ATRNL1: variants seen among roughly 807,000 people sequenced by gnomAD.
ATRNL1 encodes the protein attractin like 1, also known as attractin-like protein 1.
ATRNL1 carries 95 observed loss-of-function variants against 182.7 expected under a neutral mutation model. That is an observed-to-expected ratio of 0.52 (90% confidence interval 0.44 to 0.62). The LOEUF (loss-of-function observed/expected upper bound fraction) is 0.62. ATRNL1 is among the 20% of genes least tolerant of loss of function. The pLI is 0.00. For synonymous variants in ATRNL1, 576 were observed against 568.3 expected, an observed-to-expected ratio of 1.01 and a Z score of -0.19; for missense variants, 1,471 against 1,679.5, an observed-to-expected ratio of 0.88 and a Z score of 2.17.
intron 28 of ATRNL1, among the ~76,000 whole-genome samples, chr10:115,856,897 T>G (rs1394296747): frequency 6.6e-6 from 1 of 152,062 alleles, no homozygotes; most frequent in Non-Finnish European, 1.5e-5. Context: ...CTGTGAGGTA[T>G]ATGCAGTTGA....
At chr10:115,416,784 A>T (rs1484355296) in intron 20 of ATRNL1, among the ~76,000 whole-genome samples, 1 of 152,250 alleles carries the variant, frequency 6.6e-6, no homozygotes, top group African/African-American at 2.4e-5. Context: ...ATTTGAATAA[A>T]CCAAATATTG....
chr10:115,615,191 A>G (rs1480819454), intron 26 of ATRNL1, among the ~76,000 whole-genome samples: 1 of 152,020 alleles, frequency 6.6e-6, no homozygotes, highest in Non-Finnish European at 1.5e-5. Flanking sequence ...GGTATCTGCT[A>G]TACCAATATT....
intron 15 of ATRNL1, among the ~76,000 whole-genome samples, chr10:115,293,271 C>T (rs1374021254): frequency 6.6e-6 from 1 of 151,974 alleles, no homozygotes; most frequent in Non-Finnish European, 1.5e-5. Context: ...TTCTCTTAGG[C>T]AGCATATTGT....
intron 27 of ATRNL1, among the ~76,000 whole-genome samples, chr10:115,752,413 A>G (rs2907524): frequency 0.95 from 144,431 of 152,068 alleles, 69,017 homozygotes; most frequent in Non-Finnish European, 1. Context: ...TGTTATAGGC[A>G]GTAGGGTTCA....
chr10:115,223,451 G>A (rs186091427), intron 9 of ATRNL1, among the ~76,000 whole-genome samples: 1 of 152,016 alleles, frequency 6.6e-6, no homozygotes, highest in African/African-American at 2.4e-5. Flanking sequence ...AGGCATAACA[G>A]TTCTTAATTT....
At chr10:115,327,246 AC>A (rs1361511884) in intron 18 of ATRNL1, among the ~76,000 whole-genome samples, 4 of 151,064 alleles carry the variant, frequency 2.6e-5, no homozygotes, top group African/African-American at 9.7e-5. Flanking sequence ...AAGAAAAAAA[AC>A]AAACAACCCC....
chr10:115,316,163 G>A (rs1193484184), intron 18 of ATRNL1, among the ~76,000 whole-genome samples: 3 of 152,044 alleles, frequency 2.0e-5, no homozygotes, highest in Non-Finnish European at 4.4e-5. Flanking sequence ...CTGTGTCCAC[G>A]TGTTCTCATT....
intron 28 of ATRNL1, among the ~76,000 whole-genome samples, chr10:115,916,487 CA>C (rs555093785): frequency 2.6e-4 from 40 of 152,310 alleles, no homozygotes; most frequent in Non-Finnish European, 5.0e-4. Context: ...ACGCTTAAAG[CA>C]AGTGAACTTG....
At chr10:115,651,667 G>C (rs142166714) in intron 26 of ATRNL1, among the ~76,000 whole-genome samples, 43 of 152,276 alleles carry the variant, frequency 2.8e-4, no homozygotes, top group African/African-American at 9.1e-4. Flanking sequence ...AACTAATACA[G>C]CTTACGAGAA....
intron 24 of ATRNL1, among the ~76,000 whole-genome samples, chr10:115,500,698 C>T (rs1009380234): frequency 7.2e-5 from 11 of 151,782 alleles, no homozygotes; most frequent in African/African-American, 1.7e-4. Flanking sequence ...TGTGCCACCA[C>T]GCCTGGCTAA....
intron 9 of ATRNL1, chr10:115,220,511 T>C (rs1214286319): frequency 6.6e-6 from 1 of 152,136 alleles, no homozygotes; most frequent in Non-Finnish European, 1.5e-5. Context: ...TAAGTAAGAC[T>C]CTTAGTATTT....
intron 27 of ATRNL1, among the ~76,000 whole-genome samples, chr10:115,751,865 A>G (rs1361153635): frequency 6.6e-6 from 1 of 152,074 alleles, no homozygotes; most frequent in Admixed American, 6.6e-5. Flanking sequence ...CAATAAAATG[A>G]TAAACTAAAA....
At chr10:115,614,981 A>C (rs550050016) in intron 26 of ATRNL1, among the ~76,000 whole-genome samples, 29 of 151,720 alleles carry the variant, frequency 1.9e-4, no homozygotes, top group Admixed American at 9.8e-4. Flanking sequence ...TCAATTCAGC[A>C]GTTCTGTATT....
chr10:115,503,764 G>C (rs1005518952), intron 24 of ATRNL1, among the ~76,000 whole-genome samples: 10 of 151,526 alleles, frequency 6.6e-5, no homozygotes, highest in Non-Finnish European at 1.5e-4. Context: ...GGACTTTCTG[G>C]TTTGTCCTGA....
At chr10:115,157,368 A>G (rs1175602629) in intron 5 of ATRNL1, among the ~76,000 whole-genome samples, 1 of 152,078 alleles carries the variant, frequency 6.6e-6, no homozygotes, top group Non-Finnish European at 1.5e-5. Flanking sequence ...ATACATTTTA[A>G]GTCATTTTGG....
At chr10:115,552,824 T>C (rs552023542) in intron 26 of ATRNL1, among the ~76,000 whole-genome samples, 18 of 151,420 alleles carry the variant, frequency 1.2e-4, no homozygotes, top group African/African-American at 4.1e-4. Context: ...GTTAAAAAGA[T>C]GAAAACTTTC....
intron 26 of ATRNL1, among the ~76,000 whole-genome samples, chr10:115,566,831 A>G (rs1161038581): frequency 6.6e-6 from 1 of 152,174 alleles, no homozygotes; most frequent in African/African-American, 2.4e-5. Context: ...TAAGGTTAGT[A>G]AAGGAGGCTA....
intron 27 of ATRNL1, among the ~76,000 whole-genome samples, chr10:115,784,251 A>G (rs1415172026): frequency 2.0e-5 from 3 of 152,228 alleles, no homozygotes; most frequent in African/African-American, 7.2e-5. Context: ...TTTGTATGCC[A>G]GACATAGTCC....
At chr10:115,825,254 G>A (rs144070829) in intron 27 of ATRNL1, among the ~76,000 whole-genome samples, 27 of 152,144 alleles carry the variant, frequency 1.8e-4, no homozygotes, top group African/African-American at 6.5e-4. Context: ...ATGCAGAGAG[G>A]GGAACATCTC....
Sources: gnomAD v4.1 joint callset for allele counts (sites outside exome capture counted in the v4.1 genomes callset) on GRCh38, gnomAD v4.1.1 for gene constraint, MANE v1.5 for transcripts, NCBI Gene and HGNC (gene_info 2026-07-23, HGNC 2026-07-21) for gene names.